Variants in CRYBG1 observed in about 807,000 individuals in gnomAD.
The protein encoded by CRYBG1 is beta/gamma crystallin domain-containing protein 1.
Under a neutral mutation model 189.2 loss-of-function variants are expected in CRYBG1, and 139 were observed. The ratio of observed to expected loss-of-function variants is 0.73; its 90% CI spans 0.64 to 0.85. The LOEUF (loss-of-function observed/expected upper bound fraction) is 0.85. CRYBG1 is among the 40% of genes least tolerant of loss of function. The pLI, the probability that CRYBG1 is intolerant of heterozygous loss-of-function variation, is 0.00. For synonymous variants in CRYBG1, 1,023 were observed against 1,017.1 expected (o/e 1.01, Z -0.11); for missense variants, 2,611 against 2,675.8 (o/e 0.98, Z 0.53).
chr6:106,473,522 T>C (rs1035468807), intron 2 of CRYBG1, among the ~76,000 whole-genome samples: 1 of 152,160 alleles, frequency 6.6e-6, no homozygotes, highest in African/African-American at 2.4e-5. Context: ...GTGATACTCT[T>C]AAAGAGAGAA....
intron 2 of CRYBG1, 60 bp from the exon 3 acceptor site, chr6:106,511,370 G>C (rs1275072543): frequency 1.5e-5 from 21 of 1,408,782 alleles, no homozygotes; most frequent in Non-Finnish European, 1.9e-5. Flanking sequence ...TGTAATGTAC[G>C]TCTAAGGGGA....
chr6:106,503,595 T>C (rs920650062), intron 2 of CRYBG1, among the ~76,000 whole-genome samples: 1 of 152,238 alleles, frequency 6.6e-6, no homozygotes, highest in Non-Finnish European at 1.5e-5. Context: ...GTTGCCTCTT[T>C]AAGGTGCGGA....
chr6:106,445,981 G>A (rs1771656874), intron 1 of CRYBG1, among the ~76,000 whole-genome samples: 1 of 152,110 alleles, frequency 6.6e-6, no homozygotes, highest in Non-Finnish European at 1.5e-5. Flanking sequence ...GTGAGCCTGG[G>A]CTTCCAGTAC....
At chr6:106,484,295 CTTTG>C (rs56791935) in intron 2 of CRYBG1, among the ~76,000 whole-genome samples, 18,361 of 151,946 alleles carry the variant, frequency 0.12, 1,285 homozygotes, top group East Asian at 0.27. Flanking sequence ...CAGCTTTGTT[CTTTG>C]TTTGTTTGTT....
chr6:106,511,492 A>C lies in CRYBG1; in HGVS notation c.375A>C (p.Leu125=). The C allele has an allele frequency of 6.5e-7, 1 of 1,535,740 alleles. No homozygotes were observed. The highest frequency in any genetic ancestry group is 8.7e-7 in the Non-Finnish European group (1 of 1,146,598). The change falls in exon 3 of 22, where the codon CTA becomes CTC. Residue 125 remains leucine, a synonymous_variant. Transcript: ENST00000633556. ...CAGTTTTGGGGAAACTTGGCACTCT[A>C]TTCACTGCAGGAAGGAGAAGAAACA... ...RKPVLGKLGT[L]FTAGRRRNSR... is the part of the protein sequence containing the mutation.
intron 2 of CRYBG1, among the ~76,000 whole-genome samples, chr6:106,496,429 G>A (rs920728996): frequency 6.6e-6 from 1 of 152,040 alleles, no homozygotes; most frequent in Non-Finnish European, 1.5e-5. Context: ...TTACACTAAG[G>A]TATAAGCTCT....
At chr6:106,517,942 A>T (rs1457140238) in intron 3 of CRYBG1, among the ~76,000 whole-genome samples, 1 of 152,174 alleles carries the variant, frequency 6.6e-6, no homozygotes, top group Non-Finnish European at 1.5e-5. Flanking sequence ...GAGAGAGGGG[A>T]GACTCTCTTG....
At chr6:106,450,385 T>A (rs77410995) in intron 1 of CRYBG1, among the ~76,000 whole-genome samples, 1 of 152,260 alleles carries the variant, frequency 6.6e-6, no homozygotes, top group South Asian at 2.1e-4. Flanking sequence ...CCACAAAAGC[T>A]TCCGTTTCTG....
chr6:106,434,620 G>A (rs893439039), intron 1 of CRYBG1, among the ~76,000 whole-genome samples: 2 of 152,216 alleles, frequency 1.3e-5, no homozygotes, highest in African/African-American at 4.8e-5. Flanking sequence ...TAGGTAGTAA[G>A]TATTTTAGGC....
chr6:106,419,493 C>T (rs890632038), intron 1 of CRYBG1, among the ~76,000 whole-genome samples: 1 of 152,212 alleles, frequency 6.6e-6, no homozygotes, highest in African/African-American at 2.4e-5. Flanking sequence ...AGCAGTCTTC[C>T]TACCTCAGCT....
At chr6:106,517,096 A>G (rs1467774529) in intron 3 of CRYBG1, among the ~76,000 whole-genome samples, 2 of 141,262 alleles carry the variant, frequency 1.4e-5, no homozygotes, top group Admixed American at 1.5e-4. Flanking sequence ...TGCAGCCTTG[A>G]TCTTCTGGAC....
At chr6:106,550,405 A>C (rs1021532944) in intron 13 of CRYBG1, among the ~76,000 whole-genome samples, 1 of 152,354 alleles carries the variant, frequency 6.6e-6, no homozygotes, top group East Asian at 1.9e-4. Context: ...AATGTCTTCA[A>C]TATAATGGTA....
intron 2 of CRYBG1, chr6:106,457,169 A>T (rs1771906216): frequency 6.6e-6 from 1 of 152,316 alleles, no homozygotes; most frequent in Non-Finnish European, 1.5e-5. Flanking sequence ...TGGAGGCTAC[A>T]TCCAAGGTCG....
intron 2 of CRYBG1, among the ~76,000 whole-genome samples, chr6:106,505,218 C>A (rs1277794333): frequency 6.6e-6 from 1 of 152,236 alleles, no homozygotes; most frequent in South Asian, 2.1e-4. Flanking sequence ...CCTCAGCCTC[C>A]CAAGTAGCTG....
At chr6:106,550,904 A>C (rs1774383823) in intron 13 of CRYBG1, among the ~76,000 whole-genome samples, 1 of 151,832 alleles carries the variant, frequency 6.6e-6, no homozygotes, top group Non-Finnish European at 1.5e-5. Flanking sequence ...TAGCTTTCTC[A>C]AGAAATAGTA....
intron 18 of CRYBG1, 87 bp downstream of exon 18, chr6:106,558,712 C>A: frequency 8.8e-7 from 1 of 1,131,124 alleles, no homozygotes; most frequent in Non-Finnish European, 1.2e-6. Context: ...CCTGTATTCC[C>A]AACACTTTAG....
At position 106,512,363 on chromosome 6, in the gene CRYBG1, C is replaced by T. The variant is rs555538027; in HGVS notation, c.1246C>T (p.Arg416Cys). The T allele has an allele frequency of 6.2e-7, 1 of 1,611,414 alleles. No individual in the cohort carries two copies. Among genetic ancestry groups the T allele is most frequent in the South Asian group, 1.1e-5 (1 of 90,694 alleles). Residue 416 changes from arginine to cysteine, a missense_variant, in exon 3 of 22, where the codon CGT becomes TGT. Transcript: ENST00000633556. ...WDDMEKRSSG[R>C]RSGRRRGSQK... Reference sequence around the variant, plus strand: ...CGACATGGAGAAGAGGTCCAGCGGCCGTAGGTCGGGGAGGCGGAGGGGGTC... The same window carrying T: ...CGACATGGAGAAGAGGTCCAGCGGCTGTAGGTCGGGGAGGCGGAGGGGGTC...
rs1265347994 is a variant in CRYBG1, at chr6:106,568,961, C to G, written c.*395C>G. On this transcript the variant is annotated 3_prime_UTR_variant, in exon 22 of 22. Coordinates refer to ENST00000633556, the MANE Select transcript of CRYBG1 (RefSeq NM_001371242.2). The stretch of plus-strand genomic sequence containing the variant: ...ACTTTGTGGACCTACAAAGCCCTTA[C>G]ACTTTAAAGGGTAAGACAAAGGCTT... 5.8e-6 allele frequency: 1 copy of G among 171,004 alleles called. No individual in the cohort carries two copies. Among genetic ancestry groups the G allele is most frequent in the Non-Finnish European group, 1.2e-5 (1 of 80,610 alleles). The allele number at this position is 171,004 out of a possible 1,614,324, so 10.6% of individuals were successfully genotyped here.
At chr6:106,400,080 G>C (rs200634863) in intron 1 of CRYBG1, among the ~76,000 whole-genome samples, 1 of 148,232 alleles carries the variant, frequency 6.7e-6, no homozygotes, top group African/African-American at 2.5e-5. Flanking sequence ...AGTTTGCAGT[G>C]AGCTGAGTTC....
Sources: gnomAD v4.1 joint callset for allele counts (sites outside exome capture counted in the v4.1 genomes callset) on GRCh38, gnomAD v4.1.1 for gene constraint, MANE v1.5 for transcripts, NCBI Gene and HGNC (gene_info 2026-07-23, HGNC 2026-07-21) for gene names.